Variants in GBE1 observed in about 807,000 individuals in gnomAD.
GBE1 encodes 1,4-alpha-glucan-branching enzyme.
A neutral mutation model predicts 88.8 loss-of-function variants in GBE1; 70 were observed. That is an observed-to-expected ratio of 0.79 (90% CI 0.65 to 0.96). GBE1 has a LOEUF of 0.96. GBE1 is among the 40% of genes least tolerant of loss of function. The pLI, the probability that GBE1 is intolerant of heterozygous loss-of-function variation, is 0.00. For missense variants in GBE1, 872 were observed against 871.0 expected, an observed-to-expected ratio of 1.00 and a Z score of -0.01; for synonymous variants, 284 against 300.1, an observed-to-expected ratio of 0.95 and a Z score of 0.56.
intron 12 of GBE1, among the ~76,000 whole-genome samples, chr3:81,552,521 A>AT (rs1491097657): frequency 1.1e-3 from 3 of 2,774 alleles, no homozygotes; most frequent in East Asian, 0.038. Flanking sequence ...TATCTTATAT[A>AT]AAAAAAAAAA....
chr3:81,585,248 T>A (rs1703786992), intron 10 of GBE1, among the ~76,000 whole-genome samples: 4 of 152,104 alleles, frequency 2.6e-5, no homozygotes, highest in Non-Finnish European at 5.9e-5. Flanking sequence ...GAAAGACAGC[T>A]AAGAAATGAT....
intron 7 of GBE1, among the ~76,000 whole-genome samples, chr3:81,633,822 G>A (rs771265868): frequency 4.6e-5 from 7 of 152,082 alleles, no homozygotes; most frequent in African/African-American, 9.7e-5. Context: ...GATTTGTTGC[G>A]TGTCTCCTAA....
chr3:81,560,846 G>C (rs1371275408), intron 12 of GBE1, among the ~76,000 whole-genome samples: 1 of 151,942 alleles, frequency 6.6e-6, no homozygotes, highest in Non-Finnish European at 1.5e-5. Flanking sequence ...TAATAGTATA[G>C]TCTTTTTTTG....
intron 1 of GBE1, among the ~76,000 whole-genome samples, chr3:81,732,037 A>G (rs1472987197): frequency 6.6e-6 from 1 of 152,180 alleles, no homozygotes; most frequent in Non-Finnish European, 1.5e-5. Flanking sequence ...AATAACAAAC[A>G]AAAACTTCAG....
intron 7 of GBE1, among the ~76,000 whole-genome samples, chr3:81,623,388 C>T (rs1258046091): frequency 6.6e-6 from 1 of 152,172 alleles, no homozygotes; most frequent in Non-Finnish European, 1.5e-5. Context: ...TTATCTTGAC[C>T]ACACACTAAT....
intron 2 of GBE1, among the ~76,000 whole-genome samples, chr3:81,698,012 TTATA>T (rs1023634232): frequency 1.4e-5 from 2 of 148,014 alleles, no homozygotes; most frequent in Non-Finnish European, 3.0e-5. Context: ...ATATTAGGTG[TTATA>T]TATTATATAT....
At chr3:81,712,468 A>G (rs985870808) in intron 1 of GBE1, among the ~76,000 whole-genome samples, 18 of 152,200 alleles carry the variant, frequency 1.2e-4, no homozygotes, top group African/African-American at 3.9e-4. Context: ...CTATACAGCC[A>G]TAAAAAAGGA....
At chr3:81,740,395 G>A (rs1222618889) in intron 1 of GBE1, among the ~76,000 whole-genome samples, 1 of 148,894 alleles carries the variant, frequency 6.7e-6, no homozygotes, top group Non-Finnish European at 1.5e-5. Flanking sequence ...TTTTTAAGCT[G>A]GTATCTACCC....
At chr3:81,615,842 C>T (rs1031586166) in intron 7 of GBE1, among the ~76,000 whole-genome samples, 11 of 152,176 alleles carry the variant, frequency 7.2e-5, no homozygotes, top group African/African-American at 2.7e-4. Context: ...TTTAGTTTTA[C>T]AAGAAACTAC....
chr3:81,622,913 G>A (rs1704352602), intron 7 of GBE1, among the ~76,000 whole-genome samples: 1 of 152,078 alleles, frequency 6.6e-6, no homozygotes, highest in Non-Finnish European at 1.5e-5. Flanking sequence ...TGATGCTACT[G>A]CACTGATCTA....
At chr3:81,540,731 C>A (rs1265999111) in intron 12 of GBE1, among the ~76,000 whole-genome samples, 4 of 152,080 alleles carry the variant, frequency 2.6e-5, no homozygotes, top group African/African-American at 9.6e-5. Flanking sequence ...TGTTTTAGAT[C>A]TTAAAAGACA....
intron 9 of GBE1, 143 bp from the exon 10 acceptor site, chr3:81,586,333 T>G (rs1576159607): frequency 1.8e-6 from 1 of 571,354 alleles, no homozygotes; most frequent in Middle Eastern, 3.4e-4. Flanking sequence ...AAAATTGTGA[T>G]AGCATATCTC....
Position 81,565,919 on chromosome 3 carries a change from T to C in GBE1, c.1618+12006A>G, listed in dbSNP as rs566333815. 3.9e-5 allele frequency among the ~76,000 whole-genome samples: 6 copies of C among 152,328 alleles called. No individual in the cohort carries two copies. The East Asian group carries it at 1.2e-3, about 29-fold the overall frequency. On this transcript the variant is annotated intron_variant, in intron 12 of 15. Transcript: ENST00000429644. ...ATATATTTGTATACAAATCTATTTA[T>C]ATACAAACAATATAAGAAAGGCAGA...
At chr3:81,539,952 G>A (rs188831016) in intron 12 of GBE1, among the ~76,000 whole-genome samples, 1 of 152,030 alleles carries the variant, frequency 6.6e-6, no homozygotes, top group East Asian at 1.9e-4. Flanking sequence ...GCCTCAATAA[G>A]CAAAGATAAT....
At position 81,761,335 on chromosome 3, in the gene GBE1, GCTGC is replaced by G. The variant is rs377520744; in HGVS notation, c.143+36_143+39del. 6.0e-4 allele frequency: 946 copies of G among 1,576,038 alleles called. 12 individuals carry two copies. The East Asian group carries it at 0.019, about 31-fold the overall frequency. On this transcript the variant is annotated intron_variant, in intron 1 of 15. Coordinates refer to ENST00000429644, the MANE Select transcript of GBE1 (RefSeq NM_000158.4). ...TCCCGAGACGGCTCCTGGGAGGCGG[GCTGC>G]CTGTCTAAGTGGGGGTGGTGGGATT... is the stretch of plus-strand genomic sequence containing the variant.
At chr3:81,668,516 G>A (rs1705145173) in intron 3 of GBE1, among the ~76,000 whole-genome samples, 1 of 152,124 alleles carries the variant, frequency 6.6e-6, no homozygotes, top group Non-Finnish European at 1.5e-5. Context: ...AAATTAGTTA[G>A]CTGTCAATGG....
At chr3:81,720,396 C>A (rs1352718631) in intron 1 of GBE1, among the ~76,000 whole-genome samples, 6 of 150,418 alleles carry the variant, frequency 4.0e-5, no homozygotes, top group Admixed American at 1.3e-4. Context: ...TATACACAAA[C>A]CCATTGATTT....
rs1704806499 is a variant in GBE1, at chr3:81,648,916, C to T, written c.631G>A (p.Gly211Arg). 1 of 1,586,618 alleles carries T rather than the reference C, an allele frequency of 6.3e-7. No individual in the cohort carries two copies. Among genetic ancestry groups the T allele is most frequent in the East Asian group, 2.3e-5 (1 of 44,248 alleles). The change falls in exon 5 of 16, where the codon GGA (glycine) becomes AGA (arginine). Residue 211 changes from glycine to arginine, a missense_variant. Gly to Arg is a moderately radical substitution (Grantham distance 125, BLOSUM62 -2). Coordinates refer to ENST00000429644, the MANE Select transcript of GBE1 (RefSeq NM_000158.4). ...ESHVGISSHE[G>R]KVASYKHFTC... is the part of the protein sequence containing the mutation. Reference sequence around the variant, plus strand: ...AAATGTTTATAAGAAGCTACTTTTCCTTCATGGGAAGAAATTCCCACATGA... The same window carrying T: ...AAATGTTTATAAGAAGCTACTTTTCTTTCATGGGAAGAAATTCCCACATGA...
intron 14 of GBE1, among the ~76,000 whole-genome samples, chr3:81,532,255 T>A (rs1703020126): frequency 6.6e-6 from 1 of 152,010 alleles, no homozygotes; most frequent in Non-Finnish European, 1.5e-5. Flanking sequence ...CAATTTGGTG[T>A]TCCTGTAGGG....
Sources: allele counts gnomAD v4.1 joint callset (sites outside exome capture counted in the v4.1 genomes callset), GRCh38; gene constraint gnomAD v4.1.1; transcripts MANE v1.5; gene names NCBI Gene and HGNC (gene_info 2026-07-23, HGNC 2026-07-21).